The following PHACTR1 variants were observed in gnomAD, a reference collection of about 807,000 sequenced individuals.
PHACTR1 encodes the protein RPEL repeat containing 1.
Under a neutral mutation model 69.2 loss-of-function variants are expected in PHACTR1, and 16 were observed. That is an observed-to-expected ratio of 0.23 (90% confidence interval 0.16 to 0.35). PHACTR1 has a LOEUF of 0.35. PHACTR1 is among the 10% of genes least tolerant of loss of function. PHACTR1 has a pLI of 1.00. For missense variants in PHACTR1, 510 were observed against 734.7 expected (o/e 0.69, Z 3.54); for synonymous variants, 312 against 284.5 (o/e 1.10, Z -0.97).
At chr6:13,226,162 T>C (rs1415945216) in intron 8 of PHACTR1, among the ~76,000 whole-genome samples, 1 of 152,232 alleles carries the variant, frequency 6.6e-6, no homozygotes, top group African/African-American at 2.4e-5. Flanking sequence ...TTTAAGTTGA[T>C]TTAGTTCATT....
At chr6:13,234,159 G>A (rs1282534451) in intron 10 of PHACTR1, among the ~76,000 whole-genome samples, 4 of 152,244 alleles carry the variant, frequency 2.6e-5, no homozygotes, top group Middle Eastern at 3.2e-3. Flanking sequence ...AGCCAGGGCA[G>A]AATGAAGGGG....
At chr6:12,729,362 T>C (rs1763194149) in intron 3 of PHACTR1, among the ~76,000 whole-genome samples, 1 of 152,214 alleles carries the variant, frequency 6.6e-6, no homozygotes, top group African/African-American at 2.4e-5. Context: ...GATGCAGCTT[T>C]GTTTCTAAGT....
intron 4 of PHACTR1, among the ~76,000 whole-genome samples, chr6:12,996,664 T>C (rs1381599013): frequency 5.9e-5 from 9 of 152,294 alleles, no homozygotes; most frequent in African/African-American, 2.2e-4. Flanking sequence ...CTATTTTATA[T>C]AAACTTTTCA....
intron 5 of PHACTR1, among the ~76,000 whole-genome samples, chr6:13,112,023 C>A (rs542827155): frequency 6.6e-6 from 1 of 152,248 alleles, no homozygotes; most frequent in East Asian, 1.9e-4. Context: ...TCCTCTCCGC[C>A]TTCCCATCCT....
rs748095451 is a variant in PHACTR1 at position 13,027,175 on chromosome 6, C to T, written c.251-26190C>T. Among the ~76,000 whole-genome samples, 15 of 152,070 alleles carry T rather than the reference C, an allele frequency of 9.9e-5. 1 individual carries two copies. Among genetic ancestry groups the T allele is most frequent in the South Asian group, 6.2e-4 (3 of 4,820 alleles). ...GGGTACCGGGTACCGAGTACCTGCTCCTTTGGTCTCTTGCAAATGCTCTCT... is the reference window on the plus strand; with the variant it reads ...GGGTACCGGGTACCGAGTACCTGCTTCTTTGGTCTCTTGCAAATGCTCTCT... On this transcript the variant is annotated intron_variant, in intron 4 of 14. Transcript: ENST00000332995.
chr6:12,721,246 C>G (rs367727832), intron 3 of PHACTR1, among the ~76,000 whole-genome samples: 1 of 151,872 alleles, frequency 6.6e-6, no homozygotes, highest in Non-Finnish European at 1.5e-5. Flanking sequence ...ATTAGCCAGG[C>G]GCAGTGGCAT....
At chr6:12,946,846 T>C (rs1257244553) in intron 4 of PHACTR1, among the ~76,000 whole-genome samples, 1 of 130,700 alleles carries the variant, frequency 7.7e-6, no homozygotes, top group Non-Finnish European at 1.6e-5. Context: ...GGAGTCTTGC[T>C]CTGTCGCTCA....
At chr6:12,921,553 GAGGAAGGA>G (rs1202227848) in intron 4 of PHACTR1, among the ~76,000 whole-genome samples, 37 of 132,016 alleles carry the variant, frequency 2.8e-4, no homozygotes, top group African/African-American at 1.0e-3. Context: ...AAGGAGGAAG[GAGGAAGGA>G]AGGAAGGAGG....
chr6:13,131,906 A>G (rs1308647245), intron 5 of PHACTR1, among the ~76,000 whole-genome samples: 2 of 152,220 alleles, frequency 1.3e-5, no homozygotes, highest in South Asian at 2.1e-4. Context: ...GGAAGTTTAG[A>G]AAAAGAAGCT....
chr6:12,952,404 C>T (rs955749679), intron 4 of PHACTR1, among the ~76,000 whole-genome samples: 1 of 152,192 alleles, frequency 6.6e-6, no homozygotes, highest in Non-Finnish European at 1.5e-5. Context: ...ACTCCCTCCC[C>T]CAACCCCGAT....
At chr6:13,000,970 C>T (rs1487932753) in intron 4 of PHACTR1, among the ~76,000 whole-genome samples, 1 of 152,112 alleles carries the variant, frequency 6.6e-6, no homozygotes, top group Non-Finnish European at 1.5e-5. Context: ...TTTTGGCAAC[C>T]GAAGAATGTA....
intron 8 of PHACTR1, among the ~76,000 whole-genome samples, chr6:13,220,242 C>A (rs923149742): frequency 6.6e-6 from 1 of 152,208 alleles, no homozygotes; most frequent in Non-Finnish European, 1.5e-5. Context: ...ATCTGTCCAA[C>A]ATCTTGTGAA....
intron 10 of PHACTR1, among the ~76,000 whole-genome samples, chr6:13,243,446 T>C (rs1424317090): frequency 6.6e-6 from 1 of 152,176 alleles, no homozygotes. Context: ...AATAATGGCC[T>C]AAACCTTGGT....
chr6:12,933,781 C>T (rs565953987), intron 4 of PHACTR1: 1 of 1,612,858 alleles, frequency 6.2e-7, no homozygotes, highest in African/African-American at 1.3e-5. Flanking sequence ...CCCACATCTG[C>T]TCAGGCCCCA....
At chr6:13,022,115 A>T (rs977968063) in intron 4 of PHACTR1, among the ~76,000 whole-genome samples, 2 of 152,242 alleles carry the variant, frequency 1.3e-5, no homozygotes, top group Non-Finnish European at 2.9e-5. Flanking sequence ...TGGCCAATTA[A>T]GTTTAACTTC....
At chr6:12,769,255 G>C (rs1572000) in intron 4 of PHACTR1, among the ~76,000 whole-genome samples, 9 of 152,166 alleles carry the variant, frequency 5.9e-5, no homozygotes, top group African/African-American at 2.2e-4. Context: ...AAAGTGGTGG[G>C]TACGGTAGTT....
chr6:12,876,032 A>G (rs1249541888), intron 4 of PHACTR1, among the ~76,000 whole-genome samples: 2 of 152,200 alleles, frequency 1.3e-5, no homozygotes, highest in African/African-American at 4.8e-5. Flanking sequence ...TTTTACAAAT[A>G]TTTCTCAATT....
intron 4 of PHACTR1, among the ~76,000 whole-genome samples, chr6:12,807,225 G>A (rs930747186): frequency 1.3e-5 from 2 of 152,154 alleles, no homozygotes; most frequent in African/African-American, 4.8e-5. Flanking sequence ...GTGGGTACCC[G>A]ATGAGTAGTT....
At chr6:13,147,716 G>C (rs887769873) in intron 5 of PHACTR1, among the ~76,000 whole-genome samples, 1 of 152,166 alleles carries the variant, frequency 6.6e-6, no homozygotes. Context: ...ATTATATGAT[G>C]ACTGAGTGTT....
Sources: allele counts gnomAD v4.1 joint callset (sites outside exome capture counted in the v4.1 genomes callset), GRCh38; gene constraint gnomAD v4.1.1; transcripts MANE v1.5; gene names NCBI Gene and HGNC (gene_info 2026-07-23, HGNC 2026-07-21).